ZNF536: variants seen among roughly 807,000 people sequenced by gnomAD.
ZNF536 encodes the protein zinc finger protein 536.
ZNF536 carries 13 observed loss-of-function variants against 84.5 expected under a neutral mutation model. That is an observed-to-expected ratio of 0.15 (90% confidence interval 0.10 to 0.24). ZNF536 has a LOEUF of 0.24. Ranked by LOEUF, ZNF536 falls within the 10% of genes least tolerant of loss-of-function variation. ZNF536 has a pLI of 1.00. For synonymous variants in ZNF536, 811 were observed against 742.5 expected (o/e 1.09, Z -1.50); for missense variants, 1,536 against 1,747.5 (o/e 0.88, Z 2.16).
chr19:30,236,533 G>GGGT (rs1555771898), intron 1 of ZNF536, among the ~76,000 whole-genome samples: 9 of 151,520 alleles, frequency 5.9e-5, no homozygotes, highest in African/African-American at 2.2e-4. Flanking sequence ...TTGGGGCGGG[G>GGGT]GGGGGGTACA....
At chr19:30,654,841 C>A (rs986166945) in intron 1 of ZNF536, among the ~76,000 whole-genome samples, 1 of 151,082 alleles carries the variant, frequency 6.6e-6, no homozygotes, top group Non-Finnish European at 1.5e-5. Flanking sequence ...CCCCCACACA[C>A]CCCCCCATGC....
At chr19:30,570,611 G>A (rs1230304563) in intron 1 of ZNF536, among the ~76,000 whole-genome samples, 1 of 152,072 alleles carries the variant, frequency 6.6e-6, no homozygotes, top group Non-Finnish European at 1.5e-5. Flanking sequence ...GCAGATTTCA[G>A]CGCCACTGAG....
At chr19:30,397,368 C>A (rs774543856) in intron 1 of ZNF536, among the ~76,000 whole-genome samples, 1 of 152,238 alleles carries the variant, frequency 6.6e-6, no homozygotes, top group African/African-American at 2.4e-5. Context: ...ACACACCACA[C>A]TCACAGATGA....
intron 1 of ZNF536, among the ~76,000 whole-genome samples, chr19:30,653,800 A>G (rs1327982530): frequency 6.6e-6 from 1 of 152,152 alleles, no homozygotes; most frequent in African/African-American, 2.4e-5. Context: ...TCATAACACA[A>G]GAGTTTGCAG....
At chr19:30,416,648 C>A (rs1368844465) in intron 1 of ZNF536, among the ~76,000 whole-genome samples, 2 of 152,140 alleles carry the variant, frequency 1.3e-5, no homozygotes, top group Non-Finnish European at 2.9e-5. Context: ...TTCTCTCTGG[C>A]ACTGGGAGAC....
intron 2 of ZNF536, among the ~76,000 whole-genome samples, chr19:30,336,892 G>A (rs965821452): frequency 6.6e-6 from 1 of 152,156 alleles, no homozygotes; most frequent in Admixed American, 6.5e-5. Context: ...TTTCAAAATA[G>A]CTCACCCCAA....
At chr19:30,448,558 A>G (rs2052458549) in intron 2 of ZNF536, among the ~76,000 whole-genome samples, 1 of 152,236 alleles carries the variant, frequency 6.6e-6, no homozygotes, top group African/African-American at 2.4e-5. Context: ...CTGCATAACA[A>G]TGTCGCAAAA....
At chr19:30,342,445 G>C (rs906200538) in intron 2 of ZNF536, among the ~76,000 whole-genome samples, 1 of 152,194 alleles carries the variant, frequency 6.6e-6, no homozygotes, top group African/African-American at 2.4e-5. Flanking sequence ...TGTGGACTCT[G>C]CTATGTGCTG....
intron 1 of ZNF536, among the ~76,000 whole-genome samples, chr19:30,229,573 G>C (rs1262533535): frequency 6.6e-6 from 1 of 152,116 alleles, no homozygotes; most frequent in Non-Finnish European, 1.5e-5. Context: ...GCGGGTGGTG[G>C]GGGGGGCTCA....
rs538619245 is a variant in ZNF536, at chr19:30,262,746, T to C, written c.-189-21326T>C. On this transcript the variant is annotated intron_variant, in intron 1 of 5. Transcript: ENST00000585628. ...GCAATGGTGGGGACATAGGGGGACC[T>C]CACCCTCAGGGAGGTACTGCCTGAC... Among the ~76,000 whole-genome samples, 203 of 152,210 alleles carry C rather than the reference T, an allele frequency of 1.3e-3. 1 individual carries two copies. Among genetic ancestry groups the C allele is most frequent in the African/African-American group, 4.7e-3 (195 of 41,540 alleles).
Position 30,393,138 on chromosome 19 carries a change from T to C in ZNF536, c.-3+20582T>C, listed in dbSNP as rs558473325. Reference sequence around the variant, plus strand: ...AACAATCCCCTGTATCATTTATTCGTCCATCCACTCATTCATTCACTCAAC... The same window carrying C: ...AACAATCCCCTGTATCATTTATTCGCCCATCCACTCATTCATTCACTCAAC... On this transcript the variant is annotated intron_variant, in intron 1 of 4. Coordinates refer to ENST00000355537, the MANE Select transcript of ZNF536 (RefSeq NM_014717.3). Among the ~76,000 whole-genome samples the C allele has an allele frequency of 4.4e-4, 67 of 152,312 alleles. 1 individual carries two copies. In the South Asian group the frequency reaches 0.014, roughly 31 times the overall value.
chr19:30,229,796 C>G (rs2042484354), intron 1 of ZNF536, among the ~76,000 whole-genome samples: 1 of 152,286 alleles, frequency 6.6e-6, no homozygotes, highest in South Asian at 2.1e-4. Context: ...TGCAGAACCG[C>G]CGAGCCCTAG....
At chr19:30,639,647 T>C (rs772401654) in intron 1 of ZNF536, among the ~76,000 whole-genome samples, 1 of 152,246 alleles carries the variant, frequency 6.6e-6, no homozygotes, top group African/African-American at 2.4e-5. Context: ...ATTTCTTATC[T>C]GTTCTTACTC....
At chr19:30,263,553 A>G (rs1040033443) in intron 1 of ZNF536, among the ~76,000 whole-genome samples, 2 of 152,194 alleles carry the variant, frequency 1.3e-5, no homozygotes, top group Non-Finnish European at 2.9e-5. Context: ...TAATGCCACT[A>G]TGAAAGGTGA....
At chr19:30,234,732 T>G (rs1316791105) in intron 1 of ZNF536, among the ~76,000 whole-genome samples, 1 of 147,080 alleles carries the variant, frequency 6.8e-6, no homozygotes, top group Non-Finnish European at 1.5e-5. Context: ...TTTTGTTGCT[T>G]TATTACTAAA....
intron 2 of ZNF536, among the ~76,000 whole-genome samples, chr19:30,328,669 C>T (rs995255496): frequency 1.3e-5 from 2 of 152,178 alleles, no homozygotes; most frequent in African/African-American, 4.8e-5. Context: ...GTGATGATTC[C>T]ACCCTATAGG....
chr19:30,281,932 G>A (rs575723510), intron 1 of ZNF536, among the ~76,000 whole-genome samples: 204 of 152,258 alleles, frequency 1.3e-3, no homozygotes, highest in African/African-American at 4.6e-3. Flanking sequence ...GAGGCCTCAC[G>A]TCCAGGCTGC....
chr19:30,504,970 A>G (rs2055107622), intron 2 of ZNF536, among the ~76,000 whole-genome samples: 2 of 152,230 alleles, frequency 1.3e-5, no homozygotes, highest in Non-Finnish European at 2.9e-5. Context: ...AAAATTCAAA[A>G]GTTGTTTTGG....
At chr19:30,451,114 C>T (rs1228658230) in intron 2 of ZNF536, among the ~76,000 whole-genome samples, 1 of 152,252 alleles carries the variant, frequency 6.6e-6, no homozygotes, top group African/African-American at 2.4e-5. Context: ...GAGGTGGCCG[C>T]CCGCCTAGGC....
Sources: gnomAD v4.1 joint callset for allele counts (sites outside exome capture counted in the v4.1 genomes callset) on GRCh38, gnomAD v4.1.1 for gene constraint, MANE v1.5 for transcripts, NCBI Gene and HGNC (gene_info 2026-07-23, HGNC 2026-07-21) for gene names.